CSNK1G3: variants seen among roughly 807,000 people sequenced by gnomAD.
The protein encoded by CSNK1G3 is casein kinase I isoform gamma-3.
Under a neutral mutation model 64.3 loss-of-function variants are expected in CSNK1G3, and 23 were observed. The ratio of observed to expected loss-of-function variants is 0.36; its 90% CI spans 0.26 to 0.51. The LOEUF (loss-of-function observed/expected upper bound fraction) is 0.51, where lower values mean the gene tolerates loss of function less well. Ranked by LOEUF, CSNK1G3 falls within the 20% of genes least tolerant of loss-of-function variation. The pLI is 0.96. For missense variants in CSNK1G3, 357 were observed against 510.5 expected, an observed-to-expected ratio of 0.70 and a Z score of 2.90; for synonymous variants, 158 against 162.2, an observed-to-expected ratio of 0.97 and a Z score of 0.20.
chr5:123,553,001 A>G (rs1207013676), intron 2 of CSNK1G3, 106 bp from the exon 3 acceptor site: 3 of 575,532 alleles, frequency 5.2e-6, no homozygotes, highest in South Asian at 2.8e-5. Context: ...GCAAAAACCT[A>G]TGCTTTAGTT....
chr5:123,600,893 G>A lies in CSNK1G3; in HGVS notation c.1087-3831G>A, dbSNP rs532037576. Among the ~76,000 whole-genome samples, 39 of 147,960 alleles carry A rather than the reference G, an allele frequency of 2.6e-4. No homozygotes were observed. In the South Asian group the frequency reaches 8.3e-3, roughly 32 times the overall value. Reference sequence around the variant, plus strand: ...CTTAAATTCTGACAGTAAAACTGGAGTCTAGTTGCCTTTTTTTTTTTTTTA... The same window carrying A: ...CTTAAATTCTGACAGTAAAACTGGAATCTAGTTGCCTTTTTTTTTTTTTTA... On this transcript the variant is annotated intron_variant, in intron 10 of 12. Transcript: ENST00000345990.
At chr5:123,533,463 G>T (rs1182320128) in intron 1 of CSNK1G3, among the ~76,000 whole-genome samples, 3 of 151,560 alleles carry the variant, frequency 2.0e-5, no homozygotes, top group Non-Finnish European at 4.4e-5. Context: ...ACCTTCTGAG[G>T]TCCCTTTTGG....
At chr5:123,564,796 A>T (rs1405194379) in intron 4 of CSNK1G3, among the ~76,000 whole-genome samples, 1 of 152,186 alleles carries the variant, frequency 6.6e-6, no homozygotes, top group African/African-American at 2.4e-5. Context: ...TTACTGCTAA[A>T]TGCAGATATT....
exon 2 of CSNK1G3, chr5:123,545,821 A>G: frequency 6.2e-7 from 1 of 1,613,470 alleles, no homozygotes; most frequent in Non-Finnish European, 8.5e-7. Flanking sequence ...GGATGTGGCA[A>G]TTTTGGAGAA....
At chr5:123,561,657 T>C (rs530206984) in intron 4 of CSNK1G3, among the ~76,000 whole-genome samples, 1 of 152,316 alleles carries the variant, frequency 6.6e-6, no homozygotes, top group South Asian at 2.1e-4. Flanking sequence ...CTTCCAGTTC[T>C]TTATCTCCTG....
At chr5:123,539,493 G>A (rs1056472767) in intron 1 of CSNK1G3, among the ~76,000 whole-genome samples, 7 of 150,258 alleles carry the variant, frequency 4.7e-5, no homozygotes, top group Admixed American at 6.7e-5. Flanking sequence ...TGTTAGTTTG[G>A]TAGTGCATTG....
chr5:123,573,322 T>C (rs910983007), intron 4 of CSNK1G3, 71 bp from the exon 5 acceptor site: 9 of 1,471,796 alleles, frequency 6.1e-6, no homozygotes, highest in African/African-American at 1.4e-5. Flanking sequence ...ATTTTAAATA[T>C]CAGTTTTTAA....
intron 10 of CSNK1G3, among the ~76,000 whole-genome samples, chr5:123,596,092 G>T (rs1793388401): frequency 6.6e-6 from 1 of 151,704 alleles, no homozygotes; most frequent in African/African-American, 2.4e-5. Context: ...ATTCTTTCTT[G>T]ATTTGAGTTC....
intron 1 of CSNK1G3, among the ~76,000 whole-genome samples, chr5:123,522,612 C>T (rs2149992353): frequency 6.6e-6 from 1 of 151,872 alleles, no homozygotes; most frequent in Non-Finnish European, 1.5e-5. Flanking sequence ...TTAGGTTATT[C>T]CTGGATTACT....
chr5:123,585,154 G>A (rs1791072503), intron 6 of CSNK1G3, among the ~76,000 whole-genome samples: 1 of 152,088 alleles, frequency 6.6e-6, no homozygotes, highest in Admixed American at 6.5e-5. Context: ...GTCTGAAATA[G>A]ACTTATACAT....
chr5:123,517,855 G>T (rs1777439815), intron 1 of CSNK1G3, among the ~76,000 whole-genome samples: 1 of 148,556 alleles, frequency 6.7e-6, no homozygotes, highest in Admixed American at 6.8e-5. Context: ...ATATATTAAA[G>T]AAGTCTGCTT....
chr5:123,570,411 TG>T (rs1168970739), intron 4 of CSNK1G3, among the ~76,000 whole-genome samples: 1 of 149,468 alleles, frequency 6.7e-6, no homozygotes, highest in Non-Finnish European at 1.5e-5. Flanking sequence ...TGGAGTGCAG[TG>T]GCGCGATCTT....
intron 12 of CSNK1G3, among the ~76,000 whole-genome samples, chr5:123,610,421 A>G (rs2151233500): frequency 6.6e-6 from 1 of 152,248 alleles, no homozygotes; most frequent in East Asian, 1.9e-4. Flanking sequence ...AAGGATGAGC[A>G]ATGAGTCATC....
intron 1 of CSNK1G3, among the ~76,000 whole-genome samples, chr5:123,532,089 T>A (rs745351432): frequency 5.9e-5 from 9 of 151,842 alleles, no homozygotes; most frequent in African/African-American, 9.7e-5. Context: ...TATTTAGGTA[T>A]TTTTAGCAAC....
At chr5:123,515,552 G>A (rs900140666) in intron 1 of CSNK1G3, among the ~76,000 whole-genome samples, 1 of 152,092 alleles carries the variant, frequency 6.6e-6, no homozygotes, top group African/African-American at 2.4e-5. Context: ...CACAGTTCGG[G>A]ATTAACGTGT....
At chr5:123,569,012 A>G (rs921382825) in intron 4 of CSNK1G3, among the ~76,000 whole-genome samples, 1 of 152,252 alleles carries the variant, frequency 6.6e-6, no homozygotes, top group Admixed American at 6.5e-5. Flanking sequence ...ATTTGCAACA[A>G]TGCAAAAACT....
At chr5:123,550,542 A>G (rs1382529444) in intron 2 of CSNK1G3, among the ~76,000 whole-genome samples, 1 of 152,190 alleles carries the variant, frequency 6.6e-6, no homozygotes, top group Non-Finnish European at 1.5e-5. Context: ...GTGGGTAAAT[A>G]GTTGTTTCTG....
At chr5:123,513,435 G>A (rs1776609639) in intron 1 of CSNK1G3, among the ~76,000 whole-genome samples, 1 of 152,118 alleles carries the variant, frequency 6.6e-6, no homozygotes, top group Admixed American at 6.5e-5. Flanking sequence ...GTGTGCCTGT[G>A]TGTGTGGGAG....
chr5:123,592,642 G>C (rs1328751087), intron 10 of CSNK1G3, among the ~76,000 whole-genome samples: 2 of 151,642 alleles, frequency 1.3e-5, no homozygotes, highest in East Asian at 3.9e-4. Context: ...GAAGATTAAA[G>C]ATTAAAACAG....
Sources: allele counts gnomAD v4.1 joint callset (sites outside exome capture counted in the v4.1 genomes callset), GRCh38; gene constraint gnomAD v4.1.1; transcripts MANE v1.5; gene names NCBI Gene and HGNC (gene_info 2026-07-23, HGNC 2026-07-21).